ADARB2: variants seen among roughly 807,000 people sequenced by gnomAD.
ADARB2 encodes adenosine deaminase RNA specific B2 (inactive).
A neutral mutation model predicts 62.2 loss-of-function variants in ADARB2; 25 were observed. The observed-to-expected ratio is 0.40, with a 90% CI of 0.29 to 0.56. The LOEUF (loss-of-function observed/expected upper bound fraction) is 0.56, where lower values mean the gene tolerates loss of function less well. Ranked by LOEUF, ADARB2 falls within the 20% of genes least tolerant of loss-of-function variation. The pLI, the probability that ADARB2 is intolerant of heterozygous loss-of-function variation, is 0.43. For synonymous variants in ADARB2, 572 were observed against 500.8 expected (o/e 1.14, Z -1.90); for missense variants, 1,071 against 1,077.4 (o/e 0.99, Z 0.08).
In ADARB2 at chr10:1,221,515, C is replaced by G. The variant is rs576731552; in HGVS notation, c.1514-4396G>C. ...ATGTGCCATGTTGGTGTGCTGCACC[C>G]AGTAACTCATCATTTAGCATTAGGT... On this transcript the variant is annotated intron_variant, in intron 6 of 9. Transcript: ENST00000381312. 2.2e-4 allele frequency among the ~76,000 whole-genome samples: 33 copies of G among 151,834 alleles called. 1 individual carries two copies. In the South Asian group the frequency reaches 6.9e-3, roughly 32 times the overall value.
intron 1 of ADARB2, among the ~76,000 whole-genome samples, chr10:1,415,463 A>G (rs1832793868): frequency 6.6e-6 from 1 of 151,520 alleles, no homozygotes; most frequent in Admixed American, 6.6e-5. Flanking sequence ...TGATGAGTGG[A>G]TGGATGAATG....
chr10:1,323,621 C>T (rs1205092919), intron 3 of ADARB2, among the ~76,000 whole-genome samples: 2 of 151,828 alleles, frequency 1.3e-5, no homozygotes, highest in South Asian at 2.1e-4. Flanking sequence ...GGTGGATGGA[C>T]GGATGCATGG....
intron 1 of ADARB2, among the ~76,000 whole-genome samples, chr10:1,446,014 C>T: frequency 6.6e-6 from 1 of 152,162 alleles, no homozygotes. Flanking sequence ...AAAGCTCCTA[C>T]TCCCTAGAGT....
At chr10:1,718,376 G>A (rs1835047813) in intron 1 of ADARB2, among the ~76,000 whole-genome samples, 1 of 152,320 alleles carries the variant, frequency 6.6e-6, no homozygotes, top group Non-Finnish European at 1.5e-5. Context: ...TAGGGAGGCT[G>A]CTTCCTCCCA....
At chr10:1,403,039 C>CG (rs34379180) in intron 1 of ADARB2, among the ~76,000 whole-genome samples, 17,283 of 152,202 alleles carry the variant, frequency 0.11, 1,061 homozygotes, top group South Asian at 0.21. Flanking sequence ...CAGGTGCGCT[C>CG]GTGCGCCTGG....
rs542530077 is a variant in ADARB2, at chr10:1,398,308, A to C, written c.101-19148T>G. Among the ~76,000 whole-genome samples, 247 of 152,274 alleles carry C rather than the reference A, an allele frequency of 1.6e-3. 1 individual carries two copies. The highest frequency in any genetic ancestry group is 5.8e-3 in the African/African-American group (241 of 41,574). On this transcript the variant is annotated intron_variant, in intron 1 of 9. Coordinates refer to ENST00000381312, the MANE Select transcript of ADARB2 (RefSeq NM_018702.4). This position sits in a 1 kb window ranked among gnomAD's most constrained non-coding sequence, Gnocchi z 4.1. ...GGCAGGGCTTCGCCTGCTTCCTGCA[A>C]TTGTGTCCAGGGCGCAGGAAGCTGC...
intron 3 of ADARB2, among the ~76,000 whole-genome samples, chr10:1,278,226 C>T (rs886930515): frequency 5.9e-5 from 9 of 151,944 alleles, no homozygotes; most frequent in Non-Finnish European, 1.0e-4. Context: ...GTGATCCTCC[C>T]GCCTTGGCCT....
intron 1 of ADARB2, among the ~76,000 whole-genome samples, chr10:1,535,185 G>T (rs1045671015): frequency 3.9e-5 from 6 of 152,318 alleles, no homozygotes; most frequent in Non-Finnish European, 8.8e-5. Context: ...GGTCACGCGT[G>T]TGCTGGGATT....
At chr10:1,548,224 G>A (rs983420607) in intron 1 of ADARB2, among the ~76,000 whole-genome samples, 8 of 152,262 alleles carry the variant, frequency 5.3e-5, no homozygotes, top group African/African-American at 1.4e-4. Context: ...CATCATTTCT[G>A]GGGGAACTAA....
At position 1,271,023 on chromosome 10, in the gene ADARB2, TCGCG is replaced by T; in HGVS notation, c.1120_1123del (p.Glu375Ter). ...CATGGGCGTGAGGTCCGTCGTCACC[TCGCG>T]GAACTTCTGTGTGACCAGCTGGGAT... On this transcript the variant is annotated frameshift_variant, in exon 4 of 10. Coordinates refer to ENST00000381312, the MANE Select transcript of ADARB2 (RefSeq NM_018702.4). LOFTEE classifies it high-confidence loss of function. The T allele has an allele frequency of 6.2e-7, 1 of 1,613,990 alleles. No individual in the cohort carries two copies. Among genetic ancestry groups the T allele is most frequent in the Non-Finnish European group, 8.5e-7 (1 of 1,179,998 alleles).
intron 1 of ADARB2, among the ~76,000 whole-genome samples, chr10:1,455,136 T>A (rs1229396984): frequency 2.0e-5 from 3 of 152,204 alleles, no homozygotes; most frequent in Admixed American, 2.0e-4. Flanking sequence ...CAAAGCCACA[T>A]CCTGCTTACA....
chr10:1,410,885 G>A (rs925187359), intron 1 of ADARB2, among the ~76,000 whole-genome samples: 3 of 152,168 alleles, frequency 2.0e-5, no homozygotes, highest in East Asian at 1.9e-4. Flanking sequence ...TCAGCTGCCC[G>A]GATGGAGGGC....
intron 1 of ADARB2, among the ~76,000 whole-genome samples, chr10:1,658,528 G>A (rs528490673): frequency 1.1e-4 from 16 of 151,252 alleles, no homozygotes; most frequent in African/African-American, 2.4e-4. Flanking sequence ...TGCCTGATTC[G>A]CGTCTCTCTC....
chr10:1,612,156 C>T (rs1000641571), intron 1 of ADARB2, among the ~76,000 whole-genome samples: 2 of 152,210 alleles, frequency 1.3e-5, no homozygotes, highest in Non-Finnish European at 2.9e-5. Context: ...TCCCACAGCT[C>T]ATCAGCCATT....
chr10:1,253,299 A>G (rs78714539), intron 4 of ADARB2, among the ~76,000 whole-genome samples: 1,541 of 152,290 alleles, frequency 0.01, 14 homozygotes, highest in African/African-American at 0.028. Flanking sequence ...CACACAAAAA[A>G]CCATGTGTTC....
rs1362692802 is a variant in ADARB2, at chr10:1,255,110, C to G, written c.1193-12811G>C. Among the ~76,000 whole-genome samples the G allele has an allele frequency of 6.6e-6, 1 of 152,246 alleles. No individual in the cohort carries two copies. Among genetic ancestry groups the G allele is most frequent in the Admixed American group, 6.5e-5 (1 of 15,284 alleles). Reference sequence around the variant, plus strand: ...GACTGCCAGTCATGCCGGGGCTCAGCCCCAGTGAGGGAGCAAGCGGGGCCA... The same window carrying G: ...GACTGCCAGTCATGCCGGGGCTCAGGCCCAGTGAGGGAGCAAGCGGGGCCA... On this transcript the variant is annotated intron_variant, in intron 4 of 9. Transcript: ENST00000381312. The surrounding 1 kb of genome is among the most constrained non-coding windows in gnomAD (Gnocchi z 4.7).
intron 3 of ADARB2, among the ~76,000 whole-genome samples, chr10:1,284,806 T>C (rs1307260483): frequency 6.6e-6 from 1 of 152,158 alleles, no homozygotes; most frequent in East Asian, 1.9e-4. Context: ...CCTCGAGATA[T>C]AGAACTCAGC....
intron 1 of ADARB2, among the ~76,000 whole-genome samples, chr10:1,712,296 C>T (rs1222303293): frequency 1.3e-5 from 2 of 152,134 alleles, no homozygotes; most frequent in Non-Finnish European, 2.9e-5. Flanking sequence ...AGCAGAAATG[C>T]AACAGTTTAT....
At chr10:1,277,312 C>A (rs1246668225) in intron 3 of ADARB2, among the ~76,000 whole-genome samples, 2 of 152,116 alleles carry the variant, frequency 1.3e-5, no homozygotes, top group South Asian at 2.1e-4. Context: ...ATTAATGAAT[C>A]CTGGAGCTGG....
Sources: allele counts gnomAD v4.1 joint callset (sites outside exome capture counted in the v4.1 genomes callset), GRCh38; gene constraint gnomAD v4.1.1; non-coding constraint Gnocchi (gnomAD v3.1); transcripts MANE v1.5; gene names NCBI Gene and HGNC (gene_info 2026-07-23, HGNC 2026-07-21).